Variants in WWOX observed in about 807,000 individuals in gnomAD.
WWOX encodes the protein WW domain containing oxidoreductase.
A neutral mutation model predicts 46.2 loss-of-function variants in WWOX; 69 were observed. The observed-to-expected ratio is 1.49, with a 90% CI of 1.23 to 1.82. The LOEUF is 1.82. Among genes scored for constraint, WWOX ranks in the 40% most tolerant of loss-of-function variants. The probability of loss-of-function intolerance (pLI) is 0.00; values close to 1 mark genes in which losing one functional copy is unlikely to be tolerated. For synonymous variants in WWOX, 359 were observed against 202.6 expected (o/e 1.77, Z -6.56); for missense variants, 919 against 542.6 (o/e 1.69, Z -6.89).
intron 5 of WWOX, among the ~76,000 whole-genome samples, chr16:78,368,015 C>T (rs1226981512): frequency 6.6e-6 from 1 of 152,146 alleles, no homozygotes; most frequent in Non-Finnish European, 1.5e-5. Context: ...CCTCAGCCTC[C>T]CAAAGTGCTG....
intron 8 of WWOX, among the ~76,000 whole-genome samples, chr16:78,904,358 C>A (rs1004235910): frequency 6.6e-6 from 1 of 150,946 alleles, no homozygotes; most frequent in African/African-American, 2.4e-5. Context: ...CCTGCCTCAG[C>A]GTCCTGAGTA....
intron 8 of WWOX, among the ~76,000 whole-genome samples, chr16:78,840,465 C>CA (rs1170247013): frequency 6.6e-6 from 1 of 152,152 alleles, no homozygotes; most frequent in Non-Finnish European, 1.5e-5. Context: ...GGAGCGATGG[C>CA]ATGGCATGAT....
chr16:78,756,759 T>C (rs1389427657), intron 8 of WWOX, among the ~76,000 whole-genome samples: 3 of 152,196 alleles, frequency 2.0e-5, no homozygotes, highest in African/African-American at 7.2e-5. Context: ...AGTTGGGGAA[T>C]GTGGCCTCTG....
At chr16:79,065,481 A>G (rs907581830) in intron 8 of WWOX, among the ~76,000 whole-genome samples, 1 of 152,194 alleles carries the variant, frequency 6.6e-6, no homozygotes, top group African/African-American at 2.4e-5. Flanking sequence ...CCTCAGTTCC[A>G]GTTGAATCAC....
At position 79,011,142 on chromosome 16, in the gene WWOX, CACA is replaced by C. The variant is rs1192054426; in HGVS notation, c.1057-200465_1057-200463del. 1.4e-3 allele frequency among the ~76,000 whole-genome samples: 70 copies of C among 48,500 alleles called. 1 individual carries two copies. Among genetic ancestry groups the C allele is most frequent in the African/African-American group, 6.8e-3 (68 of 9,982 alleles). The allele number at this position is 48,500 out of a possible 152,430, so 31.8% of individuals were successfully genotyped here. A position where few individuals can be genotyped will look rare whatever the true frequency, so the allele number is the denominator to read the frequency against. On this transcript the variant is annotated intron_variant, in intron 8 of 8. Transcript: ENST00000566780. ...ATCTACTCACTCACACATCCACACA[CACA>C]CACACACACACACACACACACACAC...
In WWOX at chr16:79,046,442, A is replaced by G. The variant is rs147592494; in HGVS notation, c.1057-165166A>G. On this transcript the variant is annotated intron_variant, in intron 8 of 8. Coordinates refer to ENST00000566780, the MANE Select transcript of WWOX (RefSeq NM_016373.4). ...ATGGCCTTAACCACAATTGTTTTAC[A>G]TGGTTCTGGAGACTGGGAAGTCTAA... Among the ~76,000 whole-genome samples, 470 of 152,292 alleles carry G rather than the reference A, an allele frequency of 3.1e-3. 3 individuals carry two copies. Among genetic ancestry groups the G allele is most frequent in the African/African-American group, 0.011 (448 of 41,574 alleles).
At chr16:78,377,675 A>G (rs1400921935) in intron 5 of WWOX, among the ~76,000 whole-genome samples, 1 of 152,198 alleles carries the variant, frequency 6.6e-6, no homozygotes, top group African/African-American at 2.4e-5. Context: ...GGAAATAGGA[A>G]GGTTTTGGAT....
intron 8 of WWOX, among the ~76,000 whole-genome samples, chr16:78,988,548 G>C (rs1413147996): frequency 1.3e-5 from 2 of 151,994 alleles, no homozygotes; most frequent in South Asian, 4.1e-4. Flanking sequence ...CCTCTCCCCA[G>C]GAGAGGTCCC....
intron 8 of WWOX, among the ~76,000 whole-genome samples, chr16:78,484,238 T>A (rs184763403): frequency 6.6e-6 from 1 of 152,308 alleles, no homozygotes; most frequent in East Asian, 1.9e-4. Context: ...TTTGTACCTT[T>A]CTCTTTAGGC....
intron 8 of WWOX, among the ~76,000 whole-genome samples, chr16:79,098,161 G>C (rs2049115217): frequency 1.3e-5 from 2 of 152,164 alleles, no homozygotes; most frequent in Non-Finnish European, 2.9e-5. Context: ...AATCACCTGG[G>C]AGCTTGAAAA....
At chr16:79,181,547 TC>T (rs2050911806) in intron 8 of WWOX, among the ~76,000 whole-genome samples, 1 of 152,148 alleles carries the variant, frequency 6.6e-6, no homozygotes, top group African/African-American at 2.4e-5. Flanking sequence ...TGTTGAAAAC[TC>T]TTGGTAGGGG....
At chr16:78,812,287 A>C (rs556427893) in intron 8 of WWOX, among the ~76,000 whole-genome samples, 1 of 152,318 alleles carries the variant, frequency 6.6e-6, no homozygotes, top group Non-Finnish European at 1.5e-5. Flanking sequence ...AGAGGACATC[A>C]GCAGCCAGCC....
chr16:78,291,946 T>A (rs932532812), intron 5 of WWOX, among the ~76,000 whole-genome samples: 1 of 152,124 alleles, frequency 6.6e-6, no homozygotes, highest in African/African-American at 2.4e-5. Context: ...GAATCCCAGA[T>A]TGATCTTTTC....
chr16:78,686,487 G>A (rs1235245113), intron 8 of WWOX, among the ~76,000 whole-genome samples: 1 of 150,658 alleles, frequency 6.6e-6, no homozygotes, highest in African/African-American at 2.4e-5. Flanking sequence ...CTCCAGCCTG[G>A]GGGACAGAGC....
chr16:78,894,014 G>C (rs2044646574), intron 8 of WWOX, among the ~76,000 whole-genome samples: 1 of 59,020 alleles, frequency 1.7e-5, no homozygotes, highest in Non-Finnish European at 4.4e-5. Flanking sequence ...GTCTTTTATT[G>C]AGGCTTTTAT....
chr16:78,275,858 G>C (rs1387649391), intron 5 of WWOX, among the ~76,000 whole-genome samples: 1 of 152,178 alleles, frequency 6.6e-6, no homozygotes, highest in Admixed American at 6.5e-5. Flanking sequence ...TCCCAAAGTG[G>C]GACCTGGAGT....
At chr16:78,808,633 A>G (rs973811789) in intron 8 of WWOX, among the ~76,000 whole-genome samples, 1 of 152,202 alleles carries the variant, frequency 6.6e-6, no homozygotes, top group Non-Finnish European at 1.5e-5. Context: ...ATAAACTCCA[A>G]CAGAAAAACA....
At chr16:78,632,310 C>T (rs1476460947) in intron 8 of WWOX, among the ~76,000 whole-genome samples, 1 of 152,140 alleles carries the variant, frequency 6.6e-6, no homozygotes, top group Non-Finnish European at 1.5e-5. Context: ...TTCACTAAAA[C>T]ACGTAGAATA....
rs564218977 is a variant in WWOX, at chr16:78,739,996, C to T, written c.1056+307244C>T. 5.9e-5 allele frequency among the ~76,000 whole-genome samples: 9 copies of T among 152,250 alleles called. No homozygotes were observed. The South Asian group carries it at 1.9e-3, about 32-fold the overall frequency. ...TATCTCACCGGTGGAGACATTGCCT[C>T]AGGAGTCGAGCCCTGTGGTGTGCCT... On this transcript the variant is annotated intron_variant, in intron 8 of 8. Transcript: ENST00000566780.
Sources: gnomAD v4.1 joint callset for allele counts (sites outside exome capture counted in the v4.1 genomes callset) on GRCh38, gnomAD v4.1.1 for gene constraint, MANE v1.5 for transcripts, NCBI Gene and HGNC (gene_info 2026-07-23, HGNC 2026-07-21) for gene names.